ATF7IP: variants seen among roughly 807,000 people sequenced by gnomAD.
ATF7IP encodes the protein activating transcription factor 7 interacting protein.
ATF7IP carries 23 observed loss-of-function variants against 106.4 expected under a neutral mutation model. The ratio of observed to expected loss-of-function variants is 0.22; its 90% CI spans 0.16 to 0.31. The LOEUF is 0.31. Ranked by LOEUF, ATF7IP falls within the 10% of genes least tolerant of loss-of-function variation. The pLI is 1.00. For synonymous variants in ATF7IP, 542 were observed against 539.0 expected, an observed-to-expected ratio of 1.01 and a Z score of -0.08; for missense variants, 1,334 against 1,524.3, an observed-to-expected ratio of 0.88 and a Z score of 2.08.
intron 5 of ATF7IP, among the ~76,000 whole-genome samples, chr12:14,446,269 T>A (rs1942954345): frequency 6.6e-6 from 1 of 152,102 alleles, no homozygotes; most frequent in Non-Finnish European, 1.5e-5. Flanking sequence ...TGCTTCAGCC[T>A]CCTGAGTAAC....
At chr12:14,464,663 G>A (rs1179794889) in intron 9 of ATF7IP, among the ~76,000 whole-genome samples, 1 of 152,118 alleles carries the variant, frequency 6.6e-6, no homozygotes, top group Non-Finnish European at 1.5e-5. Context: ...GAAAGGAAAA[G>A]CAATGCAATG....
chr12:14,456,569 C>T lies in ATF7IP; in HGVS notation c.2004C>T (p.Pro668=). ...EDLKKRHEHP[P]NPPVSPGKTV... ...TTTTTTTTCTCCCCCAGCATCCACC[C>T]AACCCACCAGTATCACCAGGAAAAA... Residue 668 remains proline (P), a synonymous_variant, in exon 7 of 15, where the codon CCC becomes CCT. Transcript: ENST00000261168. 1 of 1,611,500 alleles carries T rather than the reference C, an allele frequency of 6.2e-7. No homozygotes were observed. The highest frequency in any genetic ancestry group is 8.5e-7 in the Non-Finnish European group (1 of 1,178,776).
chr12:14,438,494 G>T (rs1942526327), intron 5 of ATF7IP, among the ~76,000 whole-genome samples: 2 of 152,218 alleles, frequency 1.3e-5, no homozygotes, highest in Admixed American at 1.3e-4. Flanking sequence ...AGAAGTTGAA[G>T]ATCAAGGTGT....
chr12:14,398,385 A>T (rs764559399), intron 1 of ATF7IP, among the ~76,000 whole-genome samples: 6 of 129,300 alleles, frequency 4.6e-5, no homozygotes, highest in Non-Finnish European at 1.1e-4. Context: ...CTACATCTAA[A>T]AGTTTTTTTT....
chr12:14,409,900 A>T (rs966310348), intron 1 of ATF7IP, among the ~76,000 whole-genome samples: 17 of 151,976 alleles, frequency 1.1e-4, no homozygotes, highest in African/African-American at 3.9e-4. Context: ...AAGTTCTGCT[A>T]TTTTTTTTAA....
chr12:14,370,419 A>G (rs1419298531), intron 1 of ATF7IP, among the ~76,000 whole-genome samples: 5 of 152,162 alleles, frequency 3.3e-5, no homozygotes, highest in Non-Finnish European at 7.3e-5. Flanking sequence ...GTAGTGCTAT[A>G]TCCTATATAA....
chr12:14,378,111 T>C (rs1938834642), intron 1 of ATF7IP, among the ~76,000 whole-genome samples: 1 of 151,490 alleles, frequency 6.6e-6, no homozygotes, highest in Non-Finnish European at 1.5e-5. Flanking sequence ...TTTTTTTTTT[T>C]TTTTGAAATG....
In ATF7IP at chr12:14,478,598, A is replaced by G. The variant is rs999891957; in HGVS notation, c.3097+126A>G. ...CTTGTTAATTTGAGGACTACAGTGC[A>G]TGTCCTTTTGAAGGCAGTATAACTT... On this transcript the variant is annotated intron_variant, in intron 12 of 14. Coordinates refer to ENST00000261168, the MANE Select transcript of ATF7IP (RefSeq NM_018179.5). 6.4e-5 allele frequency: 69 copies of G among 1,083,738 alleles called. No homozygotes were observed. In the African/African-American group the frequency reaches 9.4e-4, roughly 15 times the overall value. The allele number at this position is 1,083,738 out of a possible 1,614,324, so 67.1% of individuals were successfully genotyped here. A position where few individuals can be genotyped will look rare whatever the true frequency, so the allele number is the denominator to read the frequency against.
chr12:14,389,239 C>T (rs1030469689), intron 1 of ATF7IP, among the ~76,000 whole-genome samples: 2 of 152,146 alleles, frequency 1.3e-5, no homozygotes, highest in African/African-American at 4.8e-5. Flanking sequence ...AACATCATAT[C>T]CACTTAGTAA....
chr12:14,371,696 A>G (rs1247233035), intron 1 of ATF7IP, among the ~76,000 whole-genome samples: 1 of 152,168 alleles, frequency 6.6e-6, no homozygotes, highest in Admixed American at 6.5e-5. Flanking sequence ...ATCAGTAGTT[A>G]TAGAATGTTC....
intron 1 of ATF7IP, among the ~76,000 whole-genome samples, chr12:14,381,781 T>G (rs971459242): frequency 2.6e-5 from 4 of 152,080 alleles, no homozygotes; most frequent in African/African-American, 9.7e-5. Flanking sequence ...TTCTTTAGAT[T>G]CTATAGTTTT....
At chr12:14,435,324 A>G (rs1322978807) in intron 3 of ATF7IP, among the ~76,000 whole-genome samples, 1 of 152,160 alleles carries the variant, frequency 6.6e-6, no homozygotes, top group Non-Finnish European at 1.5e-5. Context: ...TTAAGATTGT[A>G]AGAGAAATTG....
At chr12:14,377,201 G>T (rs1361276197) in intron 1 of ATF7IP, among the ~76,000 whole-genome samples, 1 of 151,786 alleles carries the variant, frequency 6.6e-6, no homozygotes, top group Non-Finnish European at 1.5e-5. Flanking sequence ...CACCATGTTG[G>T]CCAGGCTAGT....
chr12:14,487,549 AGG>A (rs1944663717), intron 13 of ATF7IP, among the ~76,000 whole-genome samples: 1 of 152,182 alleles, frequency 6.6e-6, no homozygotes, highest in South Asian at 2.1e-4. Flanking sequence ...TGGATCAGGG[AGG>A]GTACGTTGCC....
Position 14,445,364 on chromosome 12 carries a change from A to G in ATF7IP, c.1930-1624A>G, listed in dbSNP as rs548565488. Among the ~76,000 whole-genome samples, 5 of 151,338 alleles carry G rather than the reference A, an allele frequency of 3.3e-5. No homozygotes were observed. The South Asian group carries it at 6.3e-4, about 19-fold the overall frequency. On this transcript the variant is annotated intron_variant, in intron 5 of 14. Coordinates refer to ENST00000261168, the MANE Select transcript of ATF7IP (RefSeq NM_018179.5). ...GTACAGAAAATACCTTCCCTTTCCC[A>G]TATACCTTTCTTTTCTTTTTCTTTC... is the stretch of plus-strand genomic sequence containing the variant.
chr12:14,488,658 C>T (rs576447972), intron 13 of ATF7IP, among the ~76,000 whole-genome samples: 1 of 152,132 alleles, frequency 6.6e-6, no homozygotes, highest in Non-Finnish European at 1.5e-5. Flanking sequence ...ACAAGTCTAC[C>T]GCTTGTCAAC....
At chr12:14,422,618 A>G (rs1941595612) in intron 1 of ATF7IP, among the ~76,000 whole-genome samples, 1 of 151,980 alleles carries the variant, frequency 6.6e-6, no homozygotes, top group Non-Finnish European at 1.5e-5. Context: ...AGATTTGCCT[A>G]CTCTGGACAT....
intron 6 of ATF7IP, among the ~76,000 whole-genome samples, chr12:14,450,514 A>C (rs1943162658): frequency 6.6e-6 from 1 of 152,190 alleles, no homozygotes; most frequent in Non-Finnish European, 1.5e-5. Flanking sequence ...AGATAAACCA[A>C]CTTGGTCATG....
intron 1 of ATF7IP, among the ~76,000 whole-genome samples, chr12:14,384,226 C>G (rs1174256465): frequency 2.0e-5 from 3 of 152,050 alleles, no homozygotes; most frequent in African/African-American, 7.2e-5. Context: ...ATAGATAGAA[C>G]AAGATACACA....
Sources: gnomAD v4.1 joint callset for allele counts (sites outside exome capture counted in the v4.1 genomes callset) on GRCh38, gnomAD v4.1.1 for gene constraint, MANE v1.5 for transcripts, NCBI Gene and HGNC (gene_info 2026-07-23, HGNC 2026-07-21) for gene names.